Variants in SH2D4B observed in about 807,000 individuals in gnomAD.
The protein encoded by SH2D4B is SH2 domain-containing protein 4B.
Under a neutral mutation model 61.5 loss-of-function variants are expected in SH2D4B, and 45 were observed. The observed-to-expected ratio is 0.73, with a 90% CI of 0.58 to 0.94. The LOEUF (loss-of-function observed/expected upper bound fraction) is 0.94, where lower values mean the gene tolerates loss of function less well. SH2D4B is among the 40% of genes least tolerant of loss of function. SH2D4B has a pLI of 0.00. For missense variants in SH2D4B, 572 were observed against 574.2 expected, an observed-to-expected ratio of 1.00 and a Z score of 0.04; for synonymous variants, 224 against 220.4, an observed-to-expected ratio of 1.02 and a Z score of -0.14.
chr10:80,614,002 G>C (rs1168665741), intron 6 of SH2D4B, among the ~76,000 whole-genome samples: 2 of 152,154 alleles, frequency 1.3e-5, no homozygotes, highest in African/African-American at 4.8e-5. Context: ...ATTACTTCGG[G>C]AATGTTTATC....
At chr10:80,588,805 G>T (rs769176299) in intron 4 of SH2D4B, 28 bp downstream of exon 4, 4 of 1,612,416 alleles carry the variant, frequency 2.5e-6, no homozygotes, top group Non-Finnish European at 3.4e-6. Context: ...CTCAGGCAGG[G>T]AGACCAGTCC....
In SH2D4B at chr10:80,586,936, G is replaced by A. The variant is rs184924795; in HGVS notation, c.496-1694G>A. On this transcript the variant is annotated intron_variant, in intron 3 of 7. Transcript: ENST00000646907. ...TGCCTTAAGAGCTGTAACACTCACC[G>A]CGGAGGTCCGCAGCTTCACTCCTGA... Among the ~76,000 whole-genome samples, 652 of 148,732 alleles carry A rather than the reference G, an allele frequency of 4.4e-3. 2 individuals are homozygous for A. The highest frequency in any genetic ancestry group is 0.015 in the African/African-American group (583 of 39,312).
intron 5 of SH2D4B, among the ~76,000 whole-genome samples, chr10:80,608,245 C>T (rs966111415): frequency 2.6e-5 from 4 of 152,052 alleles, no homozygotes; most frequent in East Asian, 1.9e-4. Context: ...GAAACAAAAC[C>T]GCACATTGGT....
At chr10:80,557,538 G>A (rs554469117) in intron 1 of SH2D4B, among the ~76,000 whole-genome samples, 2 of 152,184 alleles carry the variant, frequency 1.3e-5, no homozygotes, top group African/African-American at 4.8e-5. Flanking sequence ...GTTCTATAGT[G>A]GACATAGAGC....
At chr10:80,628,170 G>A (rs1259055257) in intron 6 of SH2D4B, among the ~76,000 whole-genome samples, 1 of 152,190 alleles carries the variant, frequency 6.6e-6, no homozygotes, top group South Asian at 2.1e-4. Flanking sequence ...AGGCAATCCA[G>A]GGGGAGAGAG....
chr10:80,552,978 C>T (rs1487050508), intron 1 of SH2D4B, among the ~76,000 whole-genome samples: 7 of 152,034 alleles, frequency 4.6e-5, no homozygotes, highest in Non-Finnish European at 7.4e-5. Context: ...TACAATGGCA[C>T]GATCTTGGCT....
At chr10:80,603,928 C>T (rs1842485094) in intron 5 of SH2D4B, 133 bp downstream of exon 5, 1 of 738,998 alleles carries the variant, frequency 1.4e-6, no homozygotes, top group African/African-American at 1.8e-5. Context: ...CTCTGGACTT[C>T]AGCCCTAGTC....
chr10:80,552,109 C>T (rs1173483482), intron 1 of SH2D4B, among the ~76,000 whole-genome samples: 1 of 152,194 alleles, frequency 6.6e-6, no homozygotes, highest in African/African-American at 2.4e-5. Context: ...AAGGCCATAC[C>T]TCCTAATACC....
intron 1 of SH2D4B, among the ~76,000 whole-genome samples, chr10:80,569,326 A>G (rs550936146): frequency 6.6e-6 from 1 of 152,132 alleles, no homozygotes; most frequent in Non-Finnish European, 1.5e-5. Context: ...CTTCCTTCAG[A>G]GAGTGCTGCA....
chr10:80,637,322 A>G (rs113359948), intron 7 of SH2D4B, among the ~76,000 whole-genome samples: 1 of 152,164 alleles, frequency 6.6e-6, no homozygotes, highest in South Asian at 2.1e-4. Context: ...CAATTCTGTG[A>G]AGAAAGTCAT....
chr10:80,632,012 A>G (rs1842838579), intron 6 of SH2D4B, among the ~76,000 whole-genome samples: 3 of 152,090 alleles, frequency 2.0e-5, no homozygotes, highest in Admixed American at 6.5e-5. Flanking sequence ...ATCACACATC[A>G]CTGCAGCCTT....
At chr10:80,545,855 A>G (rs763850525) in intron 1 of SH2D4B, among the ~76,000 whole-genome samples, 11 of 152,140 alleles carry the variant, frequency 7.2e-5, no homozygotes, top group Non-Finnish European at 1.3e-4. Context: ...AAAAATCCTC[A>G]CTAAAAGTAT....
chr10:80,562,182 C>G (rs1017016203), intron 1 of SH2D4B, among the ~76,000 whole-genome samples: 6 of 152,108 alleles, frequency 3.9e-5, no homozygotes, highest in Non-Finnish European at 7.4e-5. Context: ...CTTTCTGTGC[C>G]TGGCTCATTT....
rs183767991 is a variant in SH2D4B at position 80,613,555 on chromosome 10, C to T, written c.988+4004C>T. 3.9e-5 allele frequency among the ~76,000 whole-genome samples: 6 copies of T among 152,364 alleles called. No individual in the cohort carries two copies. The East Asian group carries it at 1.2e-3, about 29-fold the overall frequency. On this transcript the variant is annotated intron_variant, in intron 6 of 7. Transcript: ENST00000646907. ...GACATCATTGGCATTGGTAAATTATCTCCATGTGACCCTGCTCAGGTGCTG... is the reference window on the plus strand; with the variant it reads ...GACATCATTGGCATTGGTAAATTATTTCCATGTGACCCTGCTCAGGTGCTG...
chr10:80,566,566 G>T (rs577651430), intron 1 of SH2D4B, among the ~76,000 whole-genome samples: 1 of 152,210 alleles, frequency 6.6e-6, no homozygotes, highest in South Asian at 2.1e-4. Flanking sequence ...AAAGCGCTGG[G>T]ATTACATGCG....
rs537942385 is a variant in SH2D4B, at chr10:80,620,688, G to A, written c.988+11137G>A. On this transcript the variant is annotated intron_variant, in intron 6 of 7. Coordinates refer to ENST00000646907, the MANE Select transcript of SH2D4B (RefSeq NM_001388272.1). ...CTACAAGACCTTGGCAAGTAACTCA[G>A]TCTCTCTTAGCCTGATTTTCCACTC... Among the ~76,000 whole-genome samples, 5 of 152,294 alleles carry A rather than the reference G, an allele frequency of 3.3e-5. No individual in the cohort carries two copies. In the South Asian group the frequency reaches 1.0e-3, roughly 32 times the overall value.
chr10:80,571,224 G>A lies in SH2D4B; in HGVS notation c.348-207G>A, dbSNP rs181425851. ...TGAGTGTAGAAAATCTAGGAAATGGGGTTTCTAGCATAGTTTTCCTGGCTT... is the reference window on the plus strand; with the variant it reads ...TGAGTGTAGAAAATCTAGGAAATGGAGTTTCTAGCATAGTTTTCCTGGCTT... On this transcript the variant is annotated intron_variant, in intron 2 of 7. Coordinates refer to ENST00000646907, the MANE Select transcript of SH2D4B (RefSeq NM_001388272.1). 2.0e-5 allele frequency among the ~76,000 whole-genome samples: 3 copies of A among 152,216 alleles called. No individual in the cohort carries two copies. In the East Asian group the frequency reaches 5.8e-4, roughly 29 times the overall value.
chr10:80,593,182 T>C (rs1457806462), intron 4 of SH2D4B, among the ~76,000 whole-genome samples: 1 of 152,230 alleles, frequency 6.6e-6, no homozygotes, highest in Non-Finnish European at 1.5e-5. Flanking sequence ...TTATTCTGAG[T>C]CCTTTGTATT....
At chr10:80,610,441 T>C (rs982524347) in intron 6 of SH2D4B, among the ~76,000 whole-genome samples, 2 of 152,226 alleles carry the variant, frequency 1.3e-5, no homozygotes, top group African/African-American at 4.8e-5. Context: ...AATGTTTGGA[T>C]TGGGATTAGA....
Sources: gnomAD v4.1 joint callset for allele counts (sites outside exome capture counted in the v4.1 genomes callset) on GRCh38, gnomAD v4.1.1 for gene constraint, MANE v1.5 for transcripts, NCBI Gene and HGNC (gene_info 2026-07-23, HGNC 2026-07-21) for gene names.